The following DPP10 variants were observed in gnomAD, a reference collection of about 807,000 sequenced individuals.
The protein encoded by DPP10 is inactive dipeptidyl peptidase 10.
Under a neutral mutation model 120.9 loss-of-function variants are expected in DPP10, and 33 were observed. That is an observed-to-expected ratio of 0.27 (90% CI 0.21 to 0.37). DPP10 has a LOEUF of 0.37. Among genes scored for constraint, DPP10 ranks in the 10% least tolerant of loss-of-function variants. The pLI is 1.00. For missense variants in DPP10, 816 were observed against 942.8 expected (o/e 0.87, Z 1.76); for synonymous variants, 337 against 326.1 (o/e 1.03, Z -0.36).
chr2:115,634,517 T>C (rs911670406), intron 5 of DPP10, among the ~76,000 whole-genome samples: 1 of 152,186 alleles, frequency 6.6e-6, no homozygotes, highest in Non-Finnish European at 1.5e-5. Context: ...TCTATTTACC[T>C]GGTTCCTTTC....
chr2:114,580,734 T>TC (rs910093206), intron 1 of DPP10, among the ~76,000 whole-genome samples: 3 of 152,020 alleles, frequency 2.0e-5, no homozygotes, highest in African/African-American at 7.2e-5. Context: ...TTTTTTTTTT[T>TC]TTTCGGAGAC....
rs143234981 is a variant in DPP10, at chr2:115,279,758, T to C, written c.61-29481T>C. Among the ~76,000 whole-genome samples the C allele has an allele frequency of 3.0e-3, 441 of 145,680 alleles. 1 individual carries two copies. Among genetic ancestry groups the C allele is most frequent in the African/African-American group, 0.01 (402 of 39,980 alleles). On this transcript the variant is annotated intron_variant, in intron 1 of 25. Transcript: ENST00000410059. ...CTCACTGCAACTTCTGCCTCCTTGCTTTAAGCGATTCTTATGTCTCAGCCT... is the reference window on the plus strand; with the variant it reads ...CTCACTGCAACTTCTGCCTCCTTGCCTTAAGCGATTCTTATGTCTCAGCCT...
intron 1 of DPP10, among the ~76,000 whole-genome samples, chr2:114,698,768 G>C (rs2105804250): frequency 6.6e-6 from 1 of 152,150 alleles, no homozygotes; most frequent in Middle Eastern, 3.4e-3. Flanking sequence ...CTGCCTGCCT[G>C]GCTTCTTGCA....
intron 1 of DPP10, among the ~76,000 whole-genome samples, chr2:115,244,235 TATATAGAGAGAGAGAG>T (rs778449527): frequency 0.021 from 1,138 of 53,942 alleles, 14 homozygotes; most frequent in East Asian, 0.15. Flanking sequence ...TATATATATA[TATATAGAGAGAGAGAG>T]AGAGAGAGAG....
At chr2:115,376,886 A>AT (rs1162563167) in intron 3 of DPP10, among the ~76,000 whole-genome samples, 1 of 148,354 alleles carries the variant, frequency 6.7e-6, no homozygotes. Context: ...TGAACTCATC[A>AT]TTTTTTATGG....
intron 1 of DPP10, among the ~76,000 whole-genome samples, chr2:114,938,947 C>A (rs1696689847): frequency 6.6e-6 from 1 of 151,862 alleles, no homozygotes; most frequent in Non-Finnish European, 1.5e-5. Flanking sequence ...TTTCTTAATC[C>A]AAATTCAGAT....
chr2:115,013,041 A>T (rs972332176), intron 1 of DPP10, among the ~76,000 whole-genome samples: 2 of 152,154 alleles, frequency 1.3e-5, no homozygotes, highest in Non-Finnish European at 1.5e-5. Flanking sequence ...TGTCGTTATG[A>T]TGCTGCCTGG....
intron 5 of DPP10, among the ~76,000 whole-genome samples, chr2:115,567,957 C>G (rs1048818189): frequency 6.6e-6 from 1 of 152,030 alleles, no homozygotes; most frequent in Non-Finnish European, 1.5e-5. Flanking sequence ...TGGTGGATCA[C>G]CTGAGGTCAG....
At chr2:114,617,338 A>G (rs1263445704) in intron 1 of DPP10, among the ~76,000 whole-genome samples, 3 of 152,154 alleles carry the variant, frequency 2.0e-5, no homozygotes, top group Non-Finnish European at 4.4e-5. Flanking sequence ...ACTTTTAGAC[A>G]TGTATAAGGA....
At chr2:115,170,590 T>C (rs1024272555) in intron 1 of DPP10, among the ~76,000 whole-genome samples, 1 of 152,178 alleles carries the variant, frequency 6.6e-6, no homozygotes, top group Non-Finnish European at 1.5e-5. Flanking sequence ...GACGATACGT[T>C]TCACCTGTAT....
intron 7 of DPP10, among the ~76,000 whole-genome samples, chr2:115,702,543 A>G (rs2091934389): frequency 6.6e-6 from 1 of 152,140 alleles, no homozygotes; most frequent in Admixed American, 6.6e-5. Flanking sequence ...TGAAGCACTG[A>G]TACGTGCTAC....
intron 3 of DPP10, among the ~76,000 whole-genome samples, chr2:115,385,351 C>CT (rs563049219): frequency 0.47 from 66,624 of 142,944 alleles, 15,944 homozygotes; most frequent in Non-Finnish European, 0.56. Flanking sequence ...TTCTGTCTTT[C>CT]TTTTTTTTTT....
intron 1 of DPP10, among the ~76,000 whole-genome samples, chr2:114,696,000 A>G (rs1414300112): frequency 3.3e-5 from 5 of 152,222 alleles, no homozygotes; most frequent in Non-Finnish European, 7.4e-5. Context: ...AGCACAAAAT[A>G]TACATGAACT....
intron 24 of DPP10, among the ~76,000 whole-genome samples, chr2:115,839,122 T>C (rs1689824358): frequency 6.6e-6 from 1 of 152,204 alleles, no homozygotes; most frequent in Non-Finnish European, 1.5e-5. Context: ...TCATTGACCT[T>C]ATTAATTAGC....
intron 1 of DPP10, among the ~76,000 whole-genome samples, chr2:115,041,517 T>C (rs957487299): frequency 6.6e-6 from 1 of 152,220 alleles, no homozygotes; most frequent in African/African-American, 2.4e-5. Context: ...CTTAGTGATT[T>C]TTTTTATGAC....
At chr2:114,844,457 A>G (rs1266065073) in intron 1 of DPP10, among the ~76,000 whole-genome samples, 1 of 151,636 alleles carries the variant, frequency 6.6e-6, no homozygotes. Context: ...GTTCTTGCTA[A>G]GGTTGAGAAA....
intron 5 of DPP10, among the ~76,000 whole-genome samples, chr2:115,581,951 G>A (rs2082024727): frequency 6.6e-6 from 1 of 152,134 alleles, no homozygotes; most frequent in Non-Finnish European, 1.5e-5. Context: ...CCTTCTTTGA[G>A]GAAAGAATTT....
At chr2:114,717,482 A>G (rs1701425248) in intron 1 of DPP10, among the ~76,000 whole-genome samples, 1 of 152,214 alleles carries the variant, frequency 6.6e-6, no homozygotes, top group Non-Finnish European at 1.5e-5. Flanking sequence ...AAACCCTGAA[A>G]TTGTTCAATA....
chr2:115,705,025 C>A (rs966116818), intron 7 of DPP10, among the ~76,000 whole-genome samples: 7 of 151,710 alleles, frequency 4.6e-5, no homozygotes, highest in Non-Finnish European at 8.8e-5. Flanking sequence ...CAAATACAAA[C>A]AAAAATTATC....
Sources: allele counts gnomAD v4.1 joint callset (sites outside exome capture counted in the v4.1 genomes callset), GRCh38; gene constraint gnomAD v4.1.1; transcripts MANE v1.5; gene names NCBI Gene and HGNC (gene_info 2026-07-23, HGNC 2026-07-21).